Variants in NXPE4 observed in about 807,000 individuals in gnomAD.
NXPE4 encodes NXPE family member 4.
Under a neutral mutation model 33.3 loss-of-function variants are expected in NXPE4, and 42 were observed. The ratio of observed to expected loss-of-function variants is 1.26; its 90% confidence interval spans 0.98 to 1.63. The LOEUF (loss-of-function observed/expected upper bound fraction) is 1.63. Ranked by LOEUF, NXPE4 falls within the 40% of genes most tolerant of loss-of-function variation. The pLI, the probability that NXPE4 is intolerant of heterozygous loss-of-function variation, is 0.00. For synonymous variants in NXPE4, 253 were observed against 234.9 expected, an observed-to-expected ratio of 1.08 and a Z score of -0.71; for missense variants, 709 against 647.6, an observed-to-expected ratio of 1.09 and a Z score of -1.03.
At position 114,571,023 on chromosome 11, in the gene NXPE4, G is replaced by T. The variant is rs1181360735; in HGVS notation, c.1550C>A (p.Thr517Lys). ...TACATTATTTGTGCCATATGCAATT[G>T]TTATATCCCAGGCATCAATGATACT... is the stretch of plus-strand genomic sequence containing the variant. ...SVSIIDAWDITIAYGTNNVHP... is the reference protein window; with the variant it reads ...SVSIIDAWDIKIAYGTNNVHP... Residue 517 changes from threonine (T) to lysine (K), a missense_variant, in exon 6 of 6, where the codon ACA becomes AAA. Coordinates refer to ENST00000375478, the MANE Select transcript of NXPE4 (RefSeq NM_001077639.2). 2 of 1,613,148 alleles carry T rather than the reference G, an allele frequency of 1.2e-6. No homozygotes were observed. The highest frequency in any genetic ancestry group is 3.3e-5 in the Admixed American group (2 of 59,964).
At chr11:114,617,650 T>G in the NXPE4 span, among the ~76,000 whole-genome samples, 1 of 152,126 alleles carries the variant, frequency 6.6e-6, no homozygotes, top group Non-Finnish European at 1.5e-5. Context: ...TAATAAGTGT[T>G]GCCTCTAGGG....
chr11:114,571,392 T>C lies in NXPE4; in HGVS notation c.1181A>G (p.Gln394Arg), dbSNP rs1018596560. The C allele has an allele frequency of 1.2e-6, 2 of 1,613,956 alleles. No homozygotes were observed. The highest frequency in any genetic ancestry group is 1.7e-6 in the Non-Finnish European group (2 of 1,179,872). The change falls in exon 6 of 6, where the codon CAG (glutamine) becomes CGG (arginine). Residue 394 changes from glutamine to arginine, a missense_variant. By Grantham distance (43) the Gln-to-Arg change is conservative. Coordinates refer to ENST00000375478, the MANE Select transcript of NXPE4 (RefSeq NM_001077639.2). ...CAAGGGATAACAATATTTTTGCCAC[T>C]GGATGTTGATGTTCCTATCCAAATC... ...AVDLDRNINI[Q>R]WQKYCYPLIG...
intron 2 of NXPE4, chr11:114,584,805 A>G (rs1334313638): frequency 6.6e-6 from 1 of 152,356 alleles, no homozygotes; most frequent in Non-Finnish European, 1.5e-5. Flanking sequence ...AATTTATTAA[A>G]TATAAATAGT....
At chr11:114,644,513 A>C in the NXPE4 span, among the ~76,000 whole-genome samples, 1 of 152,190 alleles carries the variant, frequency 6.6e-6, no homozygotes, top group African/African-American at 2.4e-5. Context: ...ATAATAACTT[A>C]CTAAAAATGT....
At chr11:114,663,375 A>C in the NXPE4 span, among the ~76,000 whole-genome samples, 5 of 152,240 alleles carry the variant, frequency 3.3e-5, no homozygotes, top group African/African-American at 9.6e-5. Context: ...TTCCTGTTCA[A>C]GAGTTAGGAC....
At chr11:114,661,025 A>G in the NXPE4 span, among the ~76,000 whole-genome samples, 2 of 152,182 alleles carry the variant, frequency 1.3e-5, no homozygotes, top group Non-Finnish European at 2.9e-5. Context: ...GGCACGGAAA[A>G]CATGAAATAC....
the NXPE4 span, among the ~76,000 whole-genome samples, chr11:114,620,214 A>G: frequency 2.7e-5 from 4 of 149,518 alleles, no homozygotes; most frequent in African/African-American, 9.9e-5. Flanking sequence ...CTTTTGCCTG[A>G]TGGGTAACCA....
the NXPE4 span, among the ~76,000 whole-genome samples, chr11:114,620,481 G>T: frequency 7.3e-5 from 11 of 149,994 alleles, no homozygotes; most frequent in East Asian, 2.0e-3. Context: ...AACCACTGTT[G>T]CCCGGTGGAT....
chr11:114,608,609 C>T, the NXPE4 span, among the ~76,000 whole-genome samples: 1 of 151,218 alleles, frequency 6.6e-6, no homozygotes, highest in Non-Finnish European at 1.5e-5. Context: ...TCTAGGGTAA[C>T]CACTGTTACT....
the NXPE4 span, among the ~76,000 whole-genome samples, chr11:114,654,104 G>A: frequency 6.6e-6 from 1 of 152,146 alleles, no homozygotes; most frequent in Admixed American, 6.6e-5. Flanking sequence ...AGGAGATGAA[G>A]TTGGAAAGTA....
intron 5 of NXPE4, among the ~76,000 whole-genome samples, chr11:114,578,254 T>G (rs1949060366): frequency 6.6e-6 from 1 of 152,208 alleles, no homozygotes; most frequent in Non-Finnish European, 1.5e-5. Flanking sequence ...TTTTCTTCAC[T>G]CTGCTTCCAA....
the NXPE4 span, among the ~76,000 whole-genome samples, chr11:114,616,021 T>G: frequency 4.6e-5 from 7 of 151,770 alleles, no homozygotes; most frequent in Non-Finnish European, 1.0e-4. Context: ...AAGTATTGCC[T>G]CGTGGGTAAC....
the NXPE4 span, among the ~76,000 whole-genome samples, chr11:114,655,082 CT>C: frequency 3.9e-5 from 6 of 151,968 alleles, no homozygotes; most frequent in African/African-American, 7.3e-5. Flanking sequence ...TGATAATGAG[CT>C]TTTTTTTCTT....
intron 2 of NXPE4, chr11:114,584,217 T>C: frequency 2.5e-6 from 1 of 397,780 alleles, no homozygotes. Flanking sequence ...TGGCTCTGGA[T>C]ATGGAGATCC....
chr11:114,621,013 G>T, the NXPE4 span, among the ~76,000 whole-genome samples: 2 of 151,942 alleles, frequency 1.3e-5, no homozygotes, highest in South Asian at 4.1e-4. Context: ...GTGTTGTCTC[G>T]TGGTTGACCA....
At chr11:114,673,412 A>G in the NXPE4 span, among the ~76,000 whole-genome samples, 1 of 151,650 alleles carries the variant, frequency 6.6e-6, no homozygotes, top group Non-Finnish European at 1.5e-5. Flanking sequence ...CTTTTCACCT[A>G]AGGACACTGG....
At chr11:114,607,650 A>G in the NXPE4 span, among the ~76,000 whole-genome samples, 2 of 151,404 alleles carry the variant, frequency 1.3e-5, no homozygotes, top group South Asian at 4.2e-4. Flanking sequence ...GCGGTTAACC[A>G]CTCTTACACA....
At chr11:114,639,267 G>A in the NXPE4 span, among the ~76,000 whole-genome samples, 26 of 152,150 alleles carry the variant, frequency 1.7e-4, no homozygotes, top group Admixed American at 6.5e-4. Flanking sequence ...AGGACCCTCC[G>A]AGCCAGGTGC....
At chr11:114,594,512 G>A (rs1377615327) in intron 2 of NXPE4, 152 bp downstream of exon 2, 3 of 618,440 alleles carry the variant, frequency 4.9e-6, no homozygotes, top group Admixed American at 3.3e-5. Flanking sequence ...CTCACATATT[G>A]CTTAATGATT....
Sources: gnomAD v4.1 joint callset for allele counts (sites outside exome capture counted in the v4.1 genomes callset) on GRCh38, gnomAD v4.1.1 for gene constraint, MANE v1.5 for transcripts, NCBI Gene and HGNC (gene_info 2026-07-23, HGNC 2026-07-21) for gene names.